Variants in GPC6 observed in about 807,000 individuals in gnomAD.
The protein encoded by GPC6 is glypican-6.
In GPC6, 14 loss-of-function variants were observed where a neutral mutation model predicts 55.2. The ratio of observed to expected loss-of-function variants is 0.25; its 90% CI spans 0.17 to 0.40. The LOEUF (loss-of-function observed/expected upper bound fraction) is 0.40, where lower values mean the gene tolerates loss of function less well. GPC6 is among the 10% of genes least tolerant of loss of function. The pLI is 1.00. For missense variants in GPC6, 641 were observed against 708.5 expected (o/e 0.90, Z 1.08); for synonymous variants, 278 against 259.6 (o/e 1.07, Z -0.68).
intron 1 of GPC6, among the ~76,000 whole-genome samples, chr13:93,342,839 G>A (rs562039548): frequency 6.6e-6 from 1 of 152,264 alleles, no homozygotes; most frequent in Admixed American, 6.5e-5. Flanking sequence ...ACTAAATTCT[G>A]TTTCTGGAAT....
intron 1 of GPC6, among the ~76,000 whole-genome samples, chr13:93,403,414 C>T (rs1256449728): frequency 1.3e-5 from 2 of 152,140 alleles, no homozygotes; most frequent in South Asian, 4.1e-4. Context: ...GCCTTCACTT[C>T]CTTACTCCAT....
intron 1 of GPC6, among the ~76,000 whole-genome samples, chr13:93,247,503 C>T (rs2139023641): frequency 6.6e-6 from 1 of 152,202 alleles, no homozygotes; most frequent in African/African-American, 2.4e-5. Flanking sequence ...TTTTATTATG[C>T]TTTTACTACT....
At chr13:94,094,457 C>T (rs1327699453) in intron 4 of GPC6, among the ~76,000 whole-genome samples, 2 of 152,080 alleles carry the variant, frequency 1.3e-5, no homozygotes, top group Non-Finnish European at 2.9e-5. Flanking sequence ...ACATATAAAA[C>T]CTACACATGG....
intron 6 of GPC6, among the ~76,000 whole-genome samples, chr13:94,307,745 A>G (rs918171950): frequency 6.6e-6 from 1 of 152,208 alleles, no homozygotes; most frequent in East Asian, 1.9e-4. Context: ...TCATTAGATT[A>G]TATTGTTTAA....
At chr13:94,371,131 C>T (rs1004783819) in intron 6 of GPC6, among the ~76,000 whole-genome samples, 2 of 152,114 alleles carry the variant, frequency 1.3e-5, no homozygotes, top group Non-Finnish European at 2.9e-5. Context: ...GTGGAGGTGC[C>T]AATGCTGCCC....
intron 1 of GPC6, among the ~76,000 whole-genome samples, chr13:93,369,231 A>T (rs1881367200): frequency 6.6e-6 from 1 of 152,126 alleles, no homozygotes; most frequent in Non-Finnish European, 1.5e-5. Context: ...TATATTGATG[A>T]AAAGCCAGAG....
At chr13:93,754,597 A>C (rs1884707967) in intron 2 of GPC6, among the ~76,000 whole-genome samples, 1 of 152,100 alleles carries the variant, frequency 6.6e-6, no homozygotes, top group Non-Finnish European at 1.5e-5. Context: ...ATTTTCCCCT[A>C]CACTTAGAAT....
At chr13:93,791,357 C>T (rs974224323) in intron 2 of GPC6, among the ~76,000 whole-genome samples, 1 of 152,070 alleles carries the variant, frequency 6.6e-6, no homozygotes, top group Admixed American at 6.5e-5. Flanking sequence ...AACTTTTGTT[C>T]AAATCAGGAC....
intron 4 of GPC6, among the ~76,000 whole-genome samples, chr13:94,078,321 T>C (rs1017884836): frequency 1.3e-5 from 2 of 151,438 alleles, no homozygotes; most frequent in African/African-American, 4.8e-5. Context: ...GAGAATGATC[T>C]CAAAAAACCT....
chr13:94,139,401 TC>T (rs1263479559), intron 4 of GPC6, among the ~76,000 whole-genome samples: 1 of 152,068 alleles, frequency 6.6e-6, no homozygotes, highest in Admixed American at 6.6e-5. Flanking sequence ...AATATCCAGT[TC>T]CCCCACCTTA....
chr13:93,566,019 A>G (rs1215198625), intron 2 of GPC6, among the ~76,000 whole-genome samples: 13 of 152,276 alleles, frequency 8.5e-5, no homozygotes, highest in East Asian at 7.7e-4. Flanking sequence ...AAAAAAATAT[A>G]GTGAGTGAAT....
intron 2 of GPC6, among the ~76,000 whole-genome samples, chr13:93,556,896 G>A (rs9584128): frequency 0.037 from 5,647 of 152,060 alleles, 352 homozygotes; most frequent in African/African-American, 0.13. Context: ...CATTCTTTTT[G>A]TGGCTGAATA....
intron 1 of GPC6, among the ~76,000 whole-genome samples, chr13:93,326,855 G>A (rs1451577960): frequency 6.6e-6 from 1 of 152,166 alleles, no homozygotes; most frequent in Non-Finnish European, 1.5e-5. Context: ...AGGAAATACT[G>A]TGTAGTGTCT....
intron 6 of GPC6, among the ~76,000 whole-genome samples, chr13:94,316,182 A>AT (rs375339287): frequency 2.6e-5 from 4 of 152,148 alleles, no homozygotes; most frequent in African/African-American, 9.7e-5. Context: ...AAAAAAAAAA[A>AT]TTTAGAATCC....
chr13:94,107,196 G>C (rs1886087080), intron 4 of GPC6, among the ~76,000 whole-genome samples: 1 of 152,132 alleles, frequency 6.6e-6, no homozygotes, highest in Admixed American at 6.6e-5. Flanking sequence ...ATATTGCAGA[G>C]GGCAAATAGC....
At chr13:93,877,007 A>T (rs1874631831) in intron 3 of GPC6, among the ~76,000 whole-genome samples, 1 of 152,096 alleles carries the variant, frequency 6.6e-6, no homozygotes, top group African/African-American at 2.4e-5. Flanking sequence ...TCTGTAGTTA[A>T]GGTGAAGGTA....
intron 3 of GPC6, among the ~76,000 whole-genome samples, chr13:93,918,682 C>T (rs1445483563): frequency 1.3e-5 from 2 of 152,172 alleles, no homozygotes; most frequent in Admixed American, 1.3e-4. Flanking sequence ...GTGTTCAGCT[C>T]TGTCAACAGG....
At chr13:93,503,312 C>T (rs931673663) in intron 1 of GPC6, among the ~76,000 whole-genome samples, 11 of 152,290 alleles carry the variant, frequency 7.2e-5, no homozygotes, top group Non-Finnish European at 4.4e-5. Context: ...TTATTTGTTG[C>T]TGTGGGTCTG....
At chr13:93,524,402 G>A (rs9589760) in intron 1 of GPC6, among the ~76,000 whole-genome samples, 1 of 151,982 alleles carries the variant, frequency 6.6e-6, no homozygotes, top group Non-Finnish European at 1.5e-5. Context: ...AATAAAACCT[G>A]CCATAGAGCA....
Sources: gnomAD v4.1 joint callset for allele counts (sites outside exome capture counted in the v4.1 genomes callset) on GRCh38, gnomAD v4.1.1 for gene constraint, MANE v1.5 for transcripts, NCBI Gene and HGNC (gene_info 2026-07-23, HGNC 2026-07-21) for gene names.